The following SDK1 variants were observed in gnomAD, a reference collection of about 807,000 sequenced individuals.
SDK1 encodes the protein protein sidekick-1.
SDK1 carries 157 observed loss-of-function variants against 245.5 expected under a neutral mutation model. The observed-to-expected ratio is 0.64, with a 90% confidence interval of 0.56 to 0.73. SDK1 has a LOEUF of 0.73. SDK1 is among the 30% of genes least tolerant of loss of function. The probability of loss-of-function intolerance (pLI) is 0.00; values close to 1 mark genes in which losing one functional copy is unlikely to be tolerated. For missense variants in SDK1, 3,583 were observed against 3,002.3 expected, an observed-to-expected ratio of 1.19 and a Z score of -4.52; for synonymous variants, 1,647 against 1,278.5, an observed-to-expected ratio of 1.29 and a Z score of -6.15.
chr7:3,985,867 A>T (rs912199828), intron 13 of SDK1, among the ~76,000 whole-genome samples: 7 of 152,228 alleles, frequency 4.6e-5, no homozygotes, highest in Admixed American at 6.5e-5. Flanking sequence ...TAATGAGTAC[A>T]TTTTTAAAAT....
chr7:4,035,389 A>G (rs1412818191), intron 17 of SDK1, among the ~76,000 whole-genome samples: 1 of 152,224 alleles, frequency 6.6e-6, no homozygotes, highest in Admixed American at 6.5e-5. Context: ...GCATAACAGT[A>G]TGGAAAGTAA....
chr7:4,116,246 C>T (rs1783701980), intron 25 of SDK1, among the ~76,000 whole-genome samples: 1 of 152,200 alleles, frequency 6.6e-6, no homozygotes, highest in Admixed American at 6.5e-5. Context: ...GCCACCCCCT[C>T]ACCTCTTCCT....
chr7:3,410,300 A>T (rs1394751659), intron 1 of SDK1, among the ~76,000 whole-genome samples: 1 of 150,450 alleles, frequency 6.6e-6, no homozygotes, highest in African/African-American at 2.5e-5. Context: ...TTAAAAATAT[A>T]TAAAGTTAGC....
chr7:4,145,855 C>T lies in SDK1; in HGVS notation c.4362C>T (p.Ala1454=), dbSNP rs775397661. 7.4e-6 allele frequency: 12 copies of T among 1,613,686 alleles called. No homozygotes were observed. Among genetic ancestry groups the T allele is most frequent in the Non-Finnish European group, 1.0e-5 (12 of 1,179,912 alleles). The part of the protein sequence containing the change: ...PESAYIFRLS[A]KTRQGWGEPL... Reference sequence around the variant, plus strand: ...CCGCATACATCTTCAGGCTGTCCGCCAAGACGAGGCAGGGCTGGGGGGAGC... The same window carrying T: ...CCGCATACATCTTCAGGCTGTCCGCTAAGACGAGGCAGGGCTGGGGGGAGC... The change falls in exon 29 of 45, where the codon GCC becomes GCT. Residue 1454 remains alanine (A), a synonymous_variant. Transcript: ENST00000404826.
Position 4,149,332 on chromosome 7 carries a change from G to T in SDK1, c.4494G>T (p.Gln1498His). The T allele has an allele frequency of 6.3e-7, 1 of 1,592,004 alleles. No homozygotes were observed. The highest frequency in any genetic ancestry group is 8.6e-7 in the Non-Finnish European group (1 of 1,169,488). The change falls in exon 30 of 45, where the codon CAG becomes CAT. Residue 1498 changes from glutamine to histidine, a missense_variant. Physicochemically the swap from Gln to His is conservative, Grantham distance 24 (BLOSUM62 0). Coordinates refer to ENST00000404826, the MANE Select transcript of SDK1 (RefSeq NM_152744.4). Reference protein sequence around the residue: ...AEVTARSLRLQWVPGSDGASP... With the variant: ...AEVTARSLRLHWVPGSDGASP... ...TGACCGCACGCAGCCTCCGGCTCCA[G>T]TGGGTCCCGGGCAGCGACGGGGCCT...
At chr7:3,336,887 G>T (rs747337917) in intron 1 of SDK1, among the ~76,000 whole-genome samples, 2 of 152,310 alleles carry the variant, frequency 1.3e-5, no homozygotes, top group African/African-American at 4.8e-5. Flanking sequence ...GGAGTGGGGG[G>T]CTAGTGGGTA....
chr7:3,988,928 C>T (rs1348816272), intron 14 of SDK1, among the ~76,000 whole-genome samples: 2 of 152,126 alleles, frequency 1.3e-5, no homozygotes, highest in Non-Finnish European at 2.9e-5. Context: ...CCTGCCACCA[C>T]GCCCAGCTAA....
chr7:3,851,981 G>A (rs1422478666), intron 5 of SDK1, among the ~76,000 whole-genome samples: 1 of 152,180 alleles, frequency 6.6e-6, no homozygotes, highest in African/African-American at 2.4e-5. Flanking sequence ...TAATGCCGCT[G>A]GTGCACTGAG....
chr7:3,365,424 A>G (rs1342796515), intron 1 of SDK1, among the ~76,000 whole-genome samples: 2 of 152,196 alleles, frequency 1.3e-5, no homozygotes, highest in East Asian at 1.9e-4. Context: ...AGTGGTCGGA[A>G]CTAAGAAATA....
chr7:3,986,212 A>G (rs114361644), intron 13 of SDK1, among the ~76,000 whole-genome samples: 3,059 of 149,880 alleles, frequency 0.02, 124 homozygotes, highest in African/African-American at 0.072. Flanking sequence ...TTTTTTTTTT[A>G]ACTAGTAACT....
At chr7:3,423,223 T>C (rs527832319) in intron 1 of SDK1, among the ~76,000 whole-genome samples, 6 of 152,350 alleles carry the variant, frequency 3.9e-5, no homozygotes, top group South Asian at 4.1e-4. Flanking sequence ...ACGTTTTTTA[T>C]TGTGGCCAAT....
chr7:3,775,370 C>A (rs956117856), intron 4 of SDK1, among the ~76,000 whole-genome samples: 1 of 152,016 alleles, frequency 6.6e-6, no homozygotes, highest in Non-Finnish European at 1.5e-5. Context: ...TTACCTGTAG[C>A]AGATTGTGGC....
At chr7:4,095,665 T>C (rs1208196419) in intron 22 of SDK1, among the ~76,000 whole-genome samples, 4 of 152,166 alleles carry the variant, frequency 2.6e-5, no homozygotes, top group Non-Finnish European at 4.4e-5. Context: ...CTCCACCTCC[T>C]GGGTTCAAGC....
At chr7:3,460,114 A>G (rs1780788344) in intron 1 of SDK1, among the ~76,000 whole-genome samples, 1 of 152,200 alleles carries the variant, frequency 6.6e-6, no homozygotes, top group African/African-American at 2.4e-5. Flanking sequence ...TTATTTTCAT[A>G]AACTATTGCT....
chr7:3,705,293 C>T (rs977341382), intron 4 of SDK1, among the ~76,000 whole-genome samples: 6 of 151,816 alleles, frequency 4.0e-5, no homozygotes, highest in Non-Finnish European at 7.4e-5. Flanking sequence ...TGGTCATTTT[C>T]ATGATACTGA....
intron 1 of SDK1, among the ~76,000 whole-genome samples, chr7:3,482,408 A>C (rs987195302): frequency 4.6e-5 from 7 of 152,146 alleles, no homozygotes; most frequent in African/African-American, 1.7e-4. Flanking sequence ...GACTCCGGAG[A>C]TAGGCAATAA....
At chr7:3,507,586 T>G (rs1280947324) in intron 1 of SDK1, among the ~76,000 whole-genome samples, 1 of 152,316 alleles carries the variant, frequency 6.6e-6, no homozygotes, top group African/African-American at 2.4e-5. Flanking sequence ...TTATTTAACC[T>G]GTTATTTTAT....
chr7:3,947,622 A>G (rs947866097), intron 5 of SDK1, among the ~76,000 whole-genome samples: 36 of 151,582 alleles, frequency 2.4e-4, no homozygotes, highest in Non-Finnish European at 4.3e-4. Flanking sequence ...AAATACATAT[A>G]TATCTATATG....
chr7:3,564,408 G>A (rs544676094), intron 1 of SDK1, among the ~76,000 whole-genome samples: 1 of 152,036 alleles, frequency 6.6e-6, no homozygotes, highest in African/African-American at 2.4e-5. Context: ...ATAATTGCTT[G>A]AACCCAGGAG....
Sources: allele counts gnomAD v4.1 joint callset (sites outside exome capture counted in the v4.1 genomes callset), GRCh38; gene constraint gnomAD v4.1.1; transcripts MANE v1.5; gene names NCBI Gene and HGNC (gene_info 2026-07-23, HGNC 2026-07-21).